The following NFIB variants were observed in gnomAD, a reference collection of about 807,000 sequenced individuals.
The protein encoded by NFIB is nuclear factor 1 B-type.
In NFIB, 11 loss-of-function variants were observed where a neutral mutation model predicts 61.5. The ratio of observed to expected loss-of-function variants is 0.18; its 90% CI spans 0.11 to 0.30. The LOEUF is 0.30. NFIB is among the 10% of genes least tolerant of loss of function. The probability of loss-of-function intolerance (pLI) is 1.00; values close to 1 mark genes in which losing one functional copy is unlikely to be tolerated. For missense variants in NFIB, 471 were observed against 608.9 expected (o/e 0.77, Z 2.38); for synonymous variants, 260 against 216.5 (o/e 1.20, Z -1.76).
At chr9:14,369,620 A>G (rs961361617) in intron 1 of NFIB, among the ~76,000 whole-genome samples, 1 of 152,112 alleles carries the variant, frequency 6.6e-6, no homozygotes, top group African/African-American at 2.4e-5. Context: ...TCATGTCTTG[A>G]TAGATGGCAT....
intron 10 of NFIB, among the ~76,000 whole-genome samples, chr9:14,091,601 T>C (rs189086744): frequency 1.8e-4 from 28 of 152,168 alleles, no homozygotes; most frequent in Admixed American, 1.7e-3. Flanking sequence ...TTTCAAAATA[T>C]TCAAGCTCAA....
At chr9:14,473,074 CCCTA>C in the NFIB span, among the ~76,000 whole-genome samples, 2 of 152,130 alleles carry the variant, frequency 1.3e-5, no homozygotes, top group Non-Finnish European at 2.9e-5. Flanking sequence ...AAACCCCACA[CCCTA>C]CCTAAGGACA....
intron 2 of NFIB, among the ~76,000 whole-genome samples, chr9:14,271,055 G>A (rs1323331131): frequency 6.6e-6 from 1 of 152,008 alleles, no homozygotes. Flanking sequence ...CATGTTTTAA[G>A]AGACCAACCA....
At chr9:14,170,153 G>A (rs1484659814) in intron 3 of NFIB, among the ~76,000 whole-genome samples, 1 of 152,184 alleles carries the variant, frequency 6.6e-6, no homozygotes, top group Non-Finnish European at 1.5e-5. Context: ...CTTCTGCAAA[G>A]TTCAGTGATT....
At chr9:14,097,103 T>C (rs1205667044) in intron 10 of NFIB, among the ~76,000 whole-genome samples, 5 of 152,174 alleles carry the variant, frequency 3.3e-5, no homozygotes, top group Non-Finnish European at 7.4e-5. Flanking sequence ...AATGGTAATG[T>C]TTTTATTTTT....
chr9:14,334,305 G>T (rs1333793675), intron 1 of NFIB, among the ~76,000 whole-genome samples: 1 of 152,162 alleles, frequency 6.6e-6, no homozygotes, highest in African/African-American at 2.4e-5. Context: ...GATTTCCAAA[G>T]TGGATGTAGT....
the NFIB span, among the ~76,000 whole-genome samples, chr9:14,474,705 G>C: frequency 2.6e-5 from 4 of 152,060 alleles, no homozygotes; most frequent in African/African-American, 9.7e-5. Flanking sequence ...AAATACAGTG[G>C]GGGACAGGCA....
At chr9:14,226,490 G>A (rs1241979140) in intron 2 of NFIB, among the ~76,000 whole-genome samples, 2 of 150,818 alleles carry the variant, frequency 1.3e-5, no homozygotes, top group Non-Finnish European at 2.9e-5. Flanking sequence ...GGTGCCTGCA[G>A]TGTGCCATGA....
the NFIB span, among the ~76,000 whole-genome samples, chr9:14,436,695 CT>C: frequency 2.6e-5 from 4 of 152,194 alleles, no homozygotes. Flanking sequence ...AACCTACCAC[CT>C]GATTATTCTT....
At chr9:14,166,848 T>C (rs539979860) in intron 3 of NFIB, among the ~76,000 whole-genome samples, 1 of 152,322 alleles carries the variant, frequency 6.6e-6, no homozygotes, top group African/African-American at 2.4e-5. Context: ...TTTAACGCTA[T>C]GAAAGCAATT....
chr9:14,463,010 G>C, the NFIB span, among the ~76,000 whole-genome samples: 3 of 152,068 alleles, frequency 2.0e-5, no homozygotes, highest in African/African-American at 4.8e-5. Context: ...AACAATGGTA[G>C]AGTTTTCACA....
chr9:14,391,335 C>CA (rs1387557263), intron 1 of NFIB, among the ~76,000 whole-genome samples: 3 of 148,590 alleles, frequency 2.0e-5, no homozygotes, highest in South Asian at 2.2e-4. Flanking sequence ...GGAGATGCCC[C>CA]CCCCCCACCC....
intron 2 of NFIB, among the ~76,000 whole-genome samples, chr9:14,223,747 C>T (rs1473479940): frequency 1.3e-5 from 2 of 152,270 alleles, no homozygotes; most frequent in East Asian, 1.9e-4. Context: ...ATCTTATCAG[C>T]TCTAGCTCAA....
intron 1 of NFIB, among the ~76,000 whole-genome samples, chr9:14,327,871 A>T (rs2060774149): frequency 6.6e-6 from 1 of 152,204 alleles, no homozygotes; most frequent in Admixed American, 6.5e-5. Flanking sequence ...AAACAAACAA[A>T]GTTGGGAAAA....
At chr9:14,172,839 G>A (rs573694045) in intron 3 of NFIB, among the ~76,000 whole-genome samples, 3 of 151,486 alleles carry the variant, frequency 2.0e-5, no homozygotes, top group Admixed American at 6.6e-5. Context: ...ACATGGTCTC[G>A]GCCCACTGCA....
intron 2 of NFIB, among the ~76,000 whole-genome samples, chr9:14,294,880 A>G (rs988193603): frequency 6.6e-5 from 10 of 152,300 alleles, no homozygotes; most frequent in Admixed American, 5.9e-4. Flanking sequence ...CCACTTTCCA[A>G]ACCTCCTGTG....
At chr9:14,214,095 A>G (rs1044982911) in intron 2 of NFIB, among the ~76,000 whole-genome samples, 2 of 152,128 alleles carry the variant, frequency 1.3e-5, no homozygotes, top group African/African-American at 2.4e-5. Flanking sequence ...CTGCTCCCCA[A>G]ATAGGCCACA....
At chr9:14,228,289 G>C (rs1326323709) in intron 2 of NFIB, among the ~76,000 whole-genome samples, 1 of 150,946 alleles carries the variant, frequency 6.6e-6, no homozygotes, top group Admixed American at 6.6e-5. Flanking sequence ...CCGCCTCCCA[G>C]GTTTAAGCAA....
At chr9:14,484,650 T>G in the NFIB span, among the ~76,000 whole-genome samples, 2 of 152,316 alleles carry the variant, frequency 1.3e-5, no homozygotes, top group South Asian at 4.2e-4. Flanking sequence ...TTGCTTTGCA[T>G]CATGTTTCAC....
Sources: gnomAD v4.1 joint callset for allele counts (sites outside exome capture counted in the v4.1 genomes callset) on GRCh38, gnomAD v4.1.1 for gene constraint, MANE v1.5 for transcripts, NCBI Gene and HGNC (gene_info 2026-07-23, HGNC 2026-07-21) for gene names.